The following SPOCK3 variants were observed in gnomAD, a reference collection of about 807,000 sequenced individuals.
SPOCK3 encodes testican-3.
SPOCK3 carries 30 observed loss-of-function variants against 56.6 expected under a neutral mutation model. That is an observed-to-expected ratio of 0.53 (90% CI 0.40 to 0.72). The LOEUF (loss-of-function observed/expected upper bound fraction) is 0.72, where lower values mean the gene tolerates loss of function less well. Ranked by LOEUF, SPOCK3 falls within the 30% of genes least tolerant of loss-of-function variation. SPOCK3 has a pLI of 0.00. For synonymous variants in SPOCK3, 196 were observed against 183.3 expected, an observed-to-expected ratio of 1.07 and a Z score of -0.56; for missense variants, 527 against 530.0, an observed-to-expected ratio of 0.99 and a Z score of 0.06.
chr4:166,976,217 C>A (rs1453542535), intron 4 of SPOCK3, among the ~76,000 whole-genome samples: 1 of 152,118 alleles, frequency 6.6e-6, no homozygotes, highest in African/African-American at 2.4e-5. Flanking sequence ...TTGCTCAGAT[C>A]AAACTTTTGG....
chr4:166,884,283 G>A (rs750707736), intron 6 of SPOCK3, among the ~76,000 whole-genome samples: 5 of 151,810 alleles, frequency 3.3e-5, no homozygotes, highest in African/African-American at 1.2e-4. Context: ...AACCCGGGAG[G>A]TGGAGCTTGC....
intron 4 of SPOCK3, among the ~76,000 whole-genome samples, chr4:166,923,673 G>C (rs1230825292): frequency 1.8e-4 from 27 of 152,148 alleles, no homozygotes; most frequent in Admixed American, 1.8e-3. Flanking sequence ...TCTATGCTTT[G>C]TCTTAATCAC....
intron 3 of SPOCK3, among the ~76,000 whole-genome samples, chr4:167,009,448 C>T (rs1476446412): frequency 6.6e-6 from 1 of 152,042 alleles, no homozygotes; most frequent in South Asian, 2.1e-4. Context: ...AGTCTTTTTC[C>T]ACATTGGTGG....
At chr4:167,053,717 A>C (rs1754468824) in intron 3 of SPOCK3, among the ~76,000 whole-genome samples, 1 of 152,110 alleles carries the variant, frequency 6.6e-6, no homozygotes, top group East Asian at 1.9e-4. Context: ...AAATAAATAA[A>C]AAAAAGAGAA....
intron 2 of SPOCK3, among the ~76,000 whole-genome samples, chr4:167,222,888 AATAT>A (rs1437967523): frequency 3.9e-5 from 5 of 127,872 alleles, no homozygotes; most frequent in Non-Finnish European, 6.2e-5. Flanking sequence ...TTGATATATG[AATAT>A]ATAAATATAT....
In SPOCK3 at chr4:167,132,740, A is replaced by G. The variant is rs149360299; in HGVS notation, c.190-70203T>C. On this transcript the variant is annotated intron_variant, in intron 2 of 10. Transcript: ENST00000357545. ...CTTAGCTTCGGATAGCTGCCCGTAA[A>G]CCCTGGCATTCCTTGGCTTGTGACC... is the stretch of plus-strand genomic sequence containing the variant. 2.6e-3 allele frequency among the ~76,000 whole-genome samples: 396 copies of G among 151,880 alleles called. 2 individuals are homozygous for G. The highest frequency in any genetic ancestry group is 9.0e-3 in the African/African-American group (374 of 41,384).
intron 5 of SPOCK3, among the ~76,000 whole-genome samples, chr4:166,904,675 TAG>T (rs1292422336): frequency 6.6e-6 from 1 of 151,870 alleles, no homozygotes; most frequent in Non-Finnish European, 1.5e-5. Flanking sequence ...CCCCTGGAAG[TAG>T]AGAGTAGAAT....
At chr4:166,811,232 T>A (rs989610487) in intron 6 of SPOCK3, among the ~76,000 whole-genome samples, 4 of 151,722 alleles carry the variant, frequency 2.6e-5, no homozygotes, top group African/African-American at 9.7e-5. Context: ...TTGTCTTTAT[T>A]CTTTTCTTTG....
chr4:167,205,392 T>TTA lies in SPOCK3; in HGVS notation c.189+28591_189+28592dup, dbSNP rs1226961060. On this transcript the variant is annotated intron_variant, in intron 2 of 10. Coordinates refer to ENST00000357545, the MANE Select transcript of SPOCK3 (RefSeq NM_001040159.2). The stretch of plus-strand genomic sequence containing the variant: ...ATTTTATATATATAATATATATATT[T>TTA]TATATATAATATATTATATATTAAA... Among the ~76,000 whole-genome samples the TTA allele has an allele frequency of 7.9e-3, 313 of 39,574 alleles. 10 individuals are homozygous for TTA. The highest frequency in any genetic ancestry group is 0.03 in the African/African-American group (240 of 8,098). The allele number at this position is 39,574 out of a possible 152,430, so 26.0% of individuals were successfully genotyped here. A position where few individuals can be genotyped will look rare whatever the true frequency, so the allele number is the denominator to read the frequency against.
At chr4:167,096,185 T>C (rs546897903) in intron 2 of SPOCK3, among the ~76,000 whole-genome samples, 65 of 152,076 alleles carry the variant, frequency 4.3e-4, no homozygotes, top group African/African-American at 1.5e-3. Flanking sequence ...ATTATTGTCA[T>C]TTTTGTCTGC....
chr4:166,819,702 A>G (rs1168157059), intron 6 of SPOCK3, among the ~76,000 whole-genome samples: 1 of 152,070 alleles, frequency 6.6e-6, no homozygotes, highest in Non-Finnish European at 1.5e-5. Context: ...TAAGAAATTA[A>G]AGATTAAATA....
chr4:167,179,917 A>G lies in SPOCK3; in HGVS notation c.189+54068T>C, dbSNP rs148120603. 1.9e-4 allele frequency among the ~76,000 whole-genome samples: 29 copies of G among 152,336 alleles called. No homozygotes were observed. In the East Asian group the frequency reaches 4.6e-3, roughly 24 times the overall value. On this transcript the variant is annotated intron_variant, in intron 2 of 10. Coordinates refer to ENST00000357545, the MANE Select transcript of SPOCK3 (RefSeq NM_001040159.2). ...CAAAATATAATGGTGAGAATTAAGTAACTCACAGAATGGCAAATATGCCAG... is the reference window on the plus strand; with the variant it reads ...CAAAATATAATGGTGAGAATTAAGTGACTCACAGAATGGCAAATATGCCAG...
chr4:167,151,847 T>C (rs1384497598), intron 2 of SPOCK3, among the ~76,000 whole-genome samples: 4 of 152,194 alleles, frequency 2.6e-5, no homozygotes, highest in African/African-American at 7.2e-5. Context: ...TGTGAAAATA[T>C]TGTCATATTC....
At chr4:166,984,772 T>C (rs933308380) in intron 4 of SPOCK3, among the ~76,000 whole-genome samples, 2 of 152,152 alleles carry the variant, frequency 1.3e-5, no homozygotes, top group African/African-American at 4.8e-5. Context: ...AGCAGCAATG[T>C]TGTTTGTCTA....
chr4:166,798,369 T>G (rs1742193484), intron 6 of SPOCK3, among the ~76,000 whole-genome samples: 1 of 152,116 alleles, frequency 6.6e-6, no homozygotes, highest in South Asian at 2.1e-4. Context: ...CAAAAGCCAC[T>G]GCTAATTCTG....
intron 6 of SPOCK3, among the ~76,000 whole-genome samples, chr4:166,887,845 C>A (rs1041166614): frequency 2.2e-5 from 3 of 136,174 alleles, no homozygotes; most frequent in Middle Eastern, 3.7e-3. Context: ...ACCACCTGTG[C>A]CCCAATAACT....
chr4:166,845,505 A>G (rs1209985630), intron 6 of SPOCK3, among the ~76,000 whole-genome samples: 1 of 152,320 alleles, frequency 6.6e-6, no homozygotes, highest in Admixed American at 6.5e-5. Context: ...GAAAAAAAAT[A>G]CTTCCTGAGT....
intron 5 of SPOCK3, among the ~76,000 whole-genome samples, chr4:166,908,272 T>A (rs79275100): frequency 7.2e-6 from 1 of 138,550 alleles, no homozygotes; most frequent in East Asian, 2.2e-4. Flanking sequence ...ATGTTATTGT[T>A]CACACACACA....
intron 4 of SPOCK3, among the ~76,000 whole-genome samples, chr4:166,933,782 G>A (rs184716921): frequency 1.2e-4 from 18 of 152,196 alleles, no homozygotes; most frequent in Non-Finnish European, 2.1e-4. Flanking sequence ...TAAAACAGAG[G>A]GAGGCTTACT....
Sources: allele counts gnomAD v4.1 joint callset (sites outside exome capture counted in the v4.1 genomes callset), GRCh38; gene constraint gnomAD v4.1.1; transcripts MANE v1.5; gene names NCBI Gene and HGNC (gene_info 2026-07-23, HGNC 2026-07-21).